LARGE1: variants seen among roughly 807,000 people sequenced by gnomAD.
The protein encoded by LARGE1 is LARGE xylosyl- and glucuronyltransferase 1, also known as xylosyl- and glucuronyltransferase LARGE1.
In LARGE1, 43 loss-of-function variants were observed where a neutral mutation model predicts 87.6. The ratio of observed to expected loss-of-function variants is 0.49; its 90% CI spans 0.38 to 0.63. LARGE1 has a LOEUF of 0.63. LARGE1 is among the 30% of genes least tolerant of loss of function. The probability of loss-of-function intolerance (pLI) is 0.00; values close to 1 mark genes in which losing one functional copy is unlikely to be tolerated. For synonymous variants in LARGE1, 434 were observed against 394.6 expected, an observed-to-expected ratio of 1.10 and a Z score of -1.18; for missense variants, 802 against 1,000.2, an observed-to-expected ratio of 0.80 and a Z score of 2.67.
intron 1 of LARGE1, among the ~76,000 whole-genome samples, chr22:33,868,202 GGT>G (rs2064164701): frequency 6.6e-6 from 1 of 152,148 alleles, no homozygotes; most frequent in African/African-American, 2.4e-5. Context: ...CATGTGCATG[GGT>G]GTGTGGGAAC....
intron 2 of LARGE1, among the ~76,000 whole-genome samples, chr22:33,713,971 CGT>C (rs1569397450): frequency 2.1e-4 from 23 of 107,256 alleles, no homozygotes; most frequent in African/African-American, 7.9e-4. Flanking sequence ...AAGTAAATAA[CGT>C]AACATAACGT....
intron 2 of LARGE1, among the ~76,000 whole-genome samples, chr22:33,721,951 G>T (rs566512230): frequency 6.6e-6 from 1 of 152,102 alleles, no homozygotes; most frequent in African/African-American, 2.4e-5. Flanking sequence ...GAGATCCTTG[G>T]GTAAAAAATT....
chr22:33,659,169 G>A lies in LARGE1; in HGVS notation c.107-8501C>T, dbSNP rs113290322. On this transcript the variant is annotated intron_variant, in intron 2 of 14. Coordinates refer to ENST00000397394, the MANE Select transcript of LARGE1 (RefSeq NM_133642.5). The stretch of plus-strand genomic sequence containing the variant: ...CTCCGGTTTCTGGTTCCTTTCTCTT[G>A]ACCAATCACAGGTCACCTTATTCCA... Among the ~76,000 whole-genome samples, 256 of 152,216 alleles carry A rather than the reference G, an allele frequency of 1.7e-3. 1 individual carries two copies. The highest frequency in any genetic ancestry group is 6.0e-3 in the African/African-American group (250 of 41,518).
chr22:33,665,288 C>T lies in LARGE1; in HGVS notation c.107-14620G>A, dbSNP rs181846159. ...ACGTATCTGTTTCCTTTTTATTTGC[C>T]TGTCTCCACCTCATGAACACAAGTT... On this transcript the variant is annotated intron_variant, in intron 2 of 14. Transcript: ENST00000397394. Among the ~76,000 whole-genome samples, 500 of 152,306 alleles carry T rather than the reference C, an allele frequency of 3.3e-3. 2 individuals carry two copies. Among genetic ancestry groups the T allele is most frequent in the South Asian group, 0.024 (116 of 4,824 alleles).
At chr22:33,898,572 T>G (rs143469469) in intron 1 of LARGE1, among the ~76,000 whole-genome samples, 2,933 of 152,204 alleles carry the variant, frequency 0.019, 42 homozygotes, top group Non-Finnish European at 0.03. Context: ...CTGGCCAACA[T>G]GGGGAAACTC....
chr22:33,472,987 T>G lies in LARGE1; in HGVS notation c.788-40722A>C, dbSNP rs547050583. Among the ~76,000 whole-genome samples the G allele has an allele frequency of 2.8e-4, 43 of 152,340 alleles. 1 individual carries two copies. The South Asian group carries it at 8.5e-3, about 30-fold the overall frequency. On this transcript the variant is annotated intron_variant, in intron 6 of 14. Coordinates refer to ENST00000397394, the MANE Select transcript of LARGE1 (RefSeq NM_133642.5). ...CATTTCGTCCTGTCTTCTAGAGCACTGGGGTGGTCAAATATCTTGGCTTGC... is the reference window on the plus strand; with the variant it reads ...CATTTCGTCCTGTCTTCTAGAGCACGGGGGTGGTCAAATATCTTGGCTTGC...
chr22:33,372,591 A>G (rs2064851030), intron 9 of LARGE1, among the ~76,000 whole-genome samples: 2 of 152,134 alleles, frequency 1.3e-5, no homozygotes, highest in African/African-American at 4.8e-5. Context: ...CCTATTTACT[A>G]CCATGAGAAA....
At chr22:33,533,498 C>T (rs531836857) in intron 6 of LARGE1, among the ~76,000 whole-genome samples, 147 of 152,244 alleles carry the variant, frequency 9.7e-4, no homozygotes, top group Non-Finnish European at 1.6e-3. Context: ...GGCGATGAGG[C>T]TAATAGAAGC....
chr22:33,369,216 T>C (rs938160037), intron 9 of LARGE1, among the ~76,000 whole-genome samples: 1 of 152,186 alleles, frequency 6.6e-6, no homozygotes, highest in Non-Finnish European at 1.5e-5. Context: ...ACAATGAACA[T>C]TACCAAAATG....
intron 1 of LARGE1, among the ~76,000 whole-genome samples, chr22:33,774,607 C>T (rs1226048452): frequency 1.3e-5 from 2 of 152,230 alleles, no homozygotes; most frequent in Admixed American, 1.3e-4. Flanking sequence ...ATCCGTCCCC[C>T]TTGGCCTCCC....
At chr22:33,253,553 A>T (rs1427768301) in intron 11 of LARGE1, among the ~76,000 whole-genome samples, 1 of 152,224 alleles carries the variant, frequency 6.6e-6, no homozygotes, top group African/African-American at 2.4e-5. Flanking sequence ...CTCTACTAAA[A>T]ATACAAACAT....
intron 1 of LARGE1, among the ~76,000 whole-genome samples, chr22:33,831,339 G>C (rs2062961096): frequency 6.6e-6 from 1 of 152,160 alleles, no homozygotes; most frequent in Non-Finnish European, 1.5e-5. Context: ...TTCTGATCTT[G>C]CATGTGCGTG....
At chr22:33,261,257 G>A (rs73397566) in intron 11 of LARGE1, among the ~76,000 whole-genome samples, 4,882 of 152,234 alleles carry the variant, frequency 0.032, 260 homozygotes, top group African/African-American at 0.11. Flanking sequence ...TCCACACAGT[G>A]CTGTAGCTGA....
intron 1 of LARGE1, among the ~76,000 whole-genome samples, chr22:33,859,335 C>A (rs1352688726): frequency 6.6e-6 from 1 of 152,114 alleles, no homozygotes; most frequent in Admixed American, 6.6e-5. Flanking sequence ...AACAAACGCA[C>A]GAGCTTTGGG....
At chr22:33,773,336 T>A (rs776934198) in intron 1 of LARGE1, among the ~76,000 whole-genome samples, 1 of 152,216 alleles carries the variant, frequency 6.6e-6, no homozygotes, top group Non-Finnish European at 1.5e-5. Context: ...CATTGAAAAT[T>A]TCGAGTTCAC....
chr22:33,104,893 T>TCTC, the LARGE1 span, among the ~76,000 whole-genome samples: 17 of 25,206 alleles, frequency 6.7e-4, no homozygotes, highest in Non-Finnish European at 1.1e-3. Flanking sequence ...TTCTCTCTCT[T>TCTC]TCTTTCTTTC....
downstream of LARGE1, among the ~76,000 whole-genome samples, chr22:33,161,137 GA>G (rs1922008929): frequency 6.6e-6 from 1 of 152,146 alleles, no homozygotes; most frequent in South Asian, 2.1e-4. Flanking sequence ...AGCAAGTGGG[GA>G]AAAGCCCGTT....
the LARGE1 span, among the ~76,000 whole-genome samples, chr22:33,069,956 C>A: frequency 6.6e-6 from 1 of 152,020 alleles, no homozygotes; most frequent in African/African-American, 2.4e-5. Flanking sequence ...TCCCAAGTAG[C>A]TGGGATTACA....
At chr22:33,156,050 G>T in the LARGE1 span, among the ~76,000 whole-genome samples, 1 of 152,346 alleles carries the variant, frequency 6.6e-6, no homozygotes, top group African/African-American at 2.4e-5. Flanking sequence ...CCTCTGCCTA[G>T]ATTTCAGAGG....
Sources: gnomAD v4.1 joint callset for allele counts (sites outside exome capture counted in the v4.1 genomes callset) on GRCh38, gnomAD v4.1.1 for gene constraint, MANE v1.5 for transcripts, NCBI Gene and HGNC (gene_info 2026-07-23, HGNC 2026-07-21) for gene names.